Variants in RAD51B observed in about 807,000 individuals in gnomAD.
RAD51B encodes the protein DNA repair protein RAD51 homolog 2.
Under a neutral mutation model 42.2 loss-of-function variants are expected in RAD51B, and 38 were observed. The observed-to-expected ratio is 0.90, with a 90% CI of 0.70 to 1.18. The LOEUF (loss-of-function observed/expected upper bound fraction) is 1.18. RAD51B is among the 50% of genes most tolerant of loss of function. The probability of loss-of-function intolerance (pLI) is 0.00; values close to 1 mark genes in which losing one functional copy is unlikely to be tolerated. For missense variants in RAD51B, 373 were observed against 400.7 expected, an observed-to-expected ratio of 0.93 and a Z score of 0.59; for synonymous variants, 154 against 145.2, an observed-to-expected ratio of 1.06 and a Z score of -0.43.
chr14:68,199,390 A>G (rs1024582126), intron 7 of RAD51B, among the ~76,000 whole-genome samples: 6 of 152,198 alleles, frequency 3.9e-5, no homozygotes, highest in Admixed American at 1.3e-4. Flanking sequence ...ATGAACTCTT[A>G]TTCAGACTGC....
chr14:68,489,760 AG>A (rs1482963711), intron 10 of RAD51B, among the ~76,000 whole-genome samples: 1 of 152,208 alleles, frequency 6.6e-6, no homozygotes, highest in Non-Finnish European at 1.5e-5. Flanking sequence ...TATTCTTCTC[AG>A]GGTCATTTGC....
chr14:68,502,395 C>A (rs146639870), intron 10 of RAD51B, among the ~76,000 whole-genome samples: 3 of 152,192 alleles, frequency 2.0e-5, no homozygotes, highest in Non-Finnish European at 2.9e-5. Context: ...TCCGACTCCC[C>A]CCACGGGCCG....
At chr14:67,856,151 C>T (rs2041993626) in intron 4 of RAD51B, among the ~76,000 whole-genome samples, 2 of 152,060 alleles carry the variant, frequency 1.3e-5, no homozygotes, top group Admixed American at 1.3e-4. Flanking sequence ...TTTCCATTCC[C>T]TCCTGCTTTT....
intron 10 of RAD51B, among the ~76,000 whole-genome samples, chr14:68,507,756 C>T (rs114056501): frequency 1.7e-3 from 262 of 152,314 alleles, no homozygotes; most frequent in African/African-American, 6.0e-3. Context: ...TAGCTCAGGA[C>T]CTTGTCCAAT....
chr14:68,113,424 C>G (rs1435472544), intron 7 of RAD51B, among the ~76,000 whole-genome samples: 1 of 152,092 alleles, frequency 6.6e-6, no homozygotes, highest in Non-Finnish European at 1.5e-5. Context: ...CAAGAAGGCT[C>G]TTCCTCATGC....
At chr14:68,299,188 T>TG (rs945600613) in intron 8 of RAD51B, among the ~76,000 whole-genome samples, 24 of 151,974 alleles carry the variant, frequency 1.6e-4, no homozygotes, top group African/African-American at 3.4e-4. Context: ...CAGAATCACC[T>TG]GGGGGGCACA....
rs146718419 is a variant in RAD51B, at chr14:68,473,499, TC to T, written c.1037-4146del. ...CTGTGCACATTCACTTTACATCCCC[TC>T]CCTCCATGACATCTTCTCACACAGG... On this transcript the variant is annotated intron_variant, in intron 10 of 10. Coordinates refer to ENST00000471583, the MANE Select transcript of RAD51B (RefSeq NM_133510.4). Among the ~76,000 whole-genome samples, 4 of 152,168 alleles carry T rather than the reference TC, an allele frequency of 2.6e-5. No individual in the cohort carries two copies. The East Asian group carries it at 7.7e-4, about 29-fold the overall frequency.
chr14:68,549,092 T>G (rs1479908343), intron 10 of RAD51B, among the ~76,000 whole-genome samples: 2 of 152,142 alleles, frequency 1.3e-5, no homozygotes, highest in African/African-American at 4.8e-5. Flanking sequence ...CTGAGGGTTT[T>G]GAGCCCCAGG....
intron 10 of RAD51B, among the ~76,000 whole-genome samples, chr14:68,519,855 T>C (rs1886446214): frequency 6.6e-6 from 1 of 152,184 alleles, no homozygotes; most frequent in Non-Finnish European, 1.5e-5. Context: ...AAAGACCTTG[T>C]TGACTTCATC....
intron 10 of RAD51B, among the ~76,000 whole-genome samples, chr14:68,495,926 G>C (rs1212264563): frequency 6.6e-6 from 1 of 152,174 alleles, no homozygotes; most frequent in Non-Finnish European, 1.5e-5. Context: ...GGCTTTAAGA[G>C]TCATTATGAA....
Position 68,585,699 on chromosome 14 carries a change from C to T in RAD51B, c.1037-8786C>T, listed in dbSNP as rs562692033. ...CCTCCCCACCCCGACCCCGGGTGTC[C>T]TGCTCACTGCAAGGAAGAAAAACAG... is the stretch of plus-strand genomic sequence containing the variant. On this transcript the variant is annotated intron_variant, in intron 10 of 10. Coordinates refer to the RAD51B transcript ENST00000487270. Among the ~76,000 whole-genome samples, 5 of 152,272 alleles carry T rather than the reference C, an allele frequency of 3.3e-5. No homozygotes were observed. The South Asian group carries it at 6.2e-4, about 19-fold the overall frequency.
chr14:68,541,945 C>A (rs184134200), intron 10 of RAD51B: 1 of 513,646 alleles, frequency 1.9e-6, no homozygotes, highest in Non-Finnish European at 2.5e-6. Context: ...GATTTAACAC[C>A]CCATCAGTAA....
At chr14:68,035,629 A>G (rs754598184) in intron 7 of RAD51B, among the ~76,000 whole-genome samples, 3 of 152,244 alleles carry the variant, frequency 2.0e-5, no homozygotes, top group Non-Finnish European at 2.9e-5. Context: ...TATATCCAGA[A>G]GCTAAGGTTC....
At chr14:67,968,977 T>C (rs1183541297) in intron 7 of RAD51B, among the ~76,000 whole-genome samples, 4 of 152,166 alleles carry the variant, frequency 2.6e-5, no homozygotes. Context: ...CTGAGAATCA[T>C]GGTGGGAGGT....
chr14:68,540,166 C>CTTTT (rs11321834), intron 10 of RAD51B: 7,425 of 580,904 alleles, frequency 0.013, 15 homozygotes, highest in Non-Finnish European at 0.014. Flanking sequence ...TACCCTGCTC[C>CTTTT]TTTTTTTTTT....
intron 10 of RAD51B, among the ~76,000 whole-genome samples, chr14:68,630,390 C>G (rs1892198996): frequency 6.6e-6 from 1 of 152,030 alleles, no homozygotes; most frequent in Non-Finnish European, 1.5e-5. Context: ...CCCCCTGCAG[C>G]AGGTCAGCCT....
Position 68,498,000 on chromosome 14 carries a change from C to G in RAD51B, c.1036+29750C>G, listed in dbSNP as rs532587974. 39 of 177,772 alleles carry G rather than the reference C, an allele frequency of 2.2e-4. No individual in the cohort carries two copies. The East Asian group carries it at 3.5e-3, about 16-fold the overall frequency. 11.0% of individuals were successfully genotyped at this position (177,772 alleles called of 1,614,324 possible). A position where few individuals can be genotyped will look rare whatever the true frequency, so the allele number is the denominator to read the frequency against. ...GCATACACATGTATTTATTTGAAAC[C>G]TATTTTCAATTTTTTAAGGTATGTA... On this transcript the variant is annotated intron_variant, in intron 10 of 10. Transcript: ENST00000487270.
intron 7 of RAD51B, among the ~76,000 whole-genome samples, chr14:68,259,916 G>A (rs534629356): frequency 2.0e-5 from 3 of 152,284 alleles, no homozygotes; most frequent in African/African-American, 4.8e-5. Flanking sequence ...CATGTGTTGG[G>A]CATTGAGAAA....
At chr14:68,249,651 G>A (rs953649443) in intron 7 of RAD51B, among the ~76,000 whole-genome samples, 6 of 152,128 alleles carry the variant, frequency 3.9e-5, no homozygotes, top group Non-Finnish European at 8.8e-5. Context: ...ACCACTTTCC[G>A]ACTGGGAATC....
Sources: allele counts gnomAD v4.1 joint callset (sites outside exome capture counted in the v4.1 genomes callset), GRCh38; gene constraint gnomAD v4.1.1; transcripts MANE v1.5; gene names NCBI Gene and HGNC (gene_info 2026-07-23, HGNC 2026-07-21).